Variants in CHRM2 observed in about 807,000 individuals in gnomAD.
CHRM2 encodes cholinergic receptor muscarinic 2.
In CHRM2, 8 loss-of-function variants were observed where a neutral mutation model predicts 25.0. The observed-to-expected ratio is 0.32, with a 90% CI of 0.19 to 0.58. The LOEUF is 0.58. CHRM2 is among the 20% of genes least tolerant of loss of function. CHRM2 has a pLI of 0.88. For missense variants in CHRM2, 440 were observed against 567.1 expected (o/e 0.78, Z 2.28); for synonymous variants, 202 against 205.7 (o/e 0.98, Z 0.15).
chr7:136,873,039 TC>T (rs1193044857), intron 2 of CHRM2, among the ~76,000 whole-genome samples: 1 of 152,224 alleles, frequency 6.6e-6, no homozygotes, highest in Non-Finnish European at 1.5e-5. Flanking sequence ...GAATTGGTTT[TC>T]TTTATTTAAA....
intron 3 of CHRM2, among the ~76,000 whole-genome samples, chr7:137,013,572 A>C (rs1477032635): frequency 6.6e-6 from 1 of 152,006 alleles, no homozygotes; most frequent in Non-Finnish European, 1.5e-5. Flanking sequence ...CTGTTTCTCC[A>C]GAAATGTGTC....
chr7:136,873,092 C>G (rs576969782), intron 2 of CHRM2, among the ~76,000 whole-genome samples: 2 of 152,126 alleles, frequency 1.3e-5, no homozygotes, highest in African/African-American at 4.8e-5. Context: ...ATGGACTCTC[C>G]GTGGCATAGT....
At chr7:136,980,636 A>C (rs888675485) in intron 2 of CHRM2, among the ~76,000 whole-genome samples, 4 of 152,094 alleles carry the variant, frequency 2.6e-5, no homozygotes, top group Non-Finnish European at 5.9e-5. Context: ...CTAGTTTATG[A>C]GTATTTTTAG....
At position 136,935,805 on chromosome 7, in the gene CHRM2, G is replaced by A. The variant is rs533548638; in HGVS notation, c.-124-56382G>A. ...GAGAGACTTGTCTAGGTTAGAACAGGGAACAACTCATTTCCTTTTCACCTA... is the reference window on the plus strand; with the variant it reads ...GAGAGACTTGTCTAGGTTAGAACAGAGAACAACTCATTTCCTTTTCACCTA... On this transcript the variant is annotated intron_variant, in intron 2 of 3. Transcript: ENST00000680005. Among the ~76,000 whole-genome samples the A allele has an allele frequency of 5.3e-5, 8 of 152,158 alleles. No individual in the cohort carries two copies. The East Asian group carries it at 5.8e-4, about 11-fold the overall frequency.
chr7:136,909,991 C>T (rs914149462), intron 2 of CHRM2, among the ~76,000 whole-genome samples: 8 of 151,860 alleles, frequency 5.3e-5, no homozygotes, highest in African/African-American at 1.9e-4. Flanking sequence ...TACACCCCCC[C>T]CAACACACAC....
chr7:136,938,288 T>C, intron 2 of CHRM2: 1 of 1,048,410 alleles, frequency 9.5e-7, no homozygotes, highest in Non-Finnish European at 1.5e-6. Context: ...AGCTGCCGCC[T>C]AAGGTTGTTG....
intron 2 of CHRM2, among the ~76,000 whole-genome samples, chr7:136,990,014 T>A (rs1380332436): frequency 6.6e-6 from 1 of 152,142 alleles, no homozygotes; most frequent in East Asian, 1.9e-4. Context: ...CTGGCCTTGT[T>A]ACATTTACTC....
At chr7:136,941,867 G>T (rs1479492558) in intron 2 of CHRM2, among the ~76,000 whole-genome samples, 1 of 152,162 alleles carries the variant, frequency 6.6e-6, no homozygotes, top group African/African-American at 2.4e-5. Flanking sequence ...CAATTGTAGG[G>T]TCTGGAGTTA....
At chr7:136,925,548 T>C (rs1798697084) in intron 2 of CHRM2, among the ~76,000 whole-genome samples, 1 of 152,086 alleles carries the variant, frequency 6.6e-6, no homozygotes. Flanking sequence ...AGCTTTTTTT[T>C]TTCTAAATGG....
intron 2 of CHRM2, among the ~76,000 whole-genome samples, chr7:136,961,945 C>T (rs910362432): frequency 4.6e-5 from 7 of 152,008 alleles, no homozygotes; most frequent in African/African-American, 1.7e-4. Flanking sequence ...ACATGACAAT[C>T]AGTGCAGGTT....
At chr7:136,950,036 A>T (rs1044220337) in intron 2 of CHRM2, among the ~76,000 whole-genome samples, 1 of 152,066 alleles carries the variant, frequency 6.6e-6, no homozygotes, top group Admixed American at 6.5e-5. Flanking sequence ...TTTTGTTGTT[A>T]TTGCCTCTCT....
chr7:136,915,795 C>A (rs1028677775), intron 2 of CHRM2, among the ~76,000 whole-genome samples: 2 of 150,570 alleles, frequency 1.3e-5, no homozygotes, highest in African/African-American at 2.4e-5. Context: ...TGACTCCAAA[C>A]AATAAAAAAT....
intron 2 of CHRM2, chr7:136,914,279 C>T (rs1342972071): frequency 6.6e-6 from 1 of 151,922 alleles, no homozygotes; most frequent in Non-Finnish European, 1.5e-5. Context: ...GTTCATAAAA[C>T]AGCATCTAAA....
chr7:136,998,836 C>T (rs1231986888), intron 3 of CHRM2, among the ~76,000 whole-genome samples: 1 of 151,854 alleles, frequency 6.6e-6, no homozygotes, highest in Non-Finnish European at 1.5e-5. Context: ...AAATAAGAAC[C>T]CCTCTCAGAT....
chr7:136,983,827 C>T (rs1802654012), intron 2 of CHRM2, among the ~76,000 whole-genome samples: 1 of 152,104 alleles, frequency 6.6e-6, no homozygotes, highest in Admixed American at 6.5e-5. Context: ...CAGAGGAGCT[C>T]CTGCCAGATG....
chr7:136,894,995 C>T (rs1302996546), intron 2 of CHRM2, among the ~76,000 whole-genome samples: 2 of 152,142 alleles, frequency 1.3e-5, no homozygotes, highest in Non-Finnish European at 2.9e-5. Context: ...CAGCATTCTA[C>T]AACTCTACAG....
At position 137,019,887 on chromosome 7, in the gene CHRM2, T is replaced by C. The variant is rs1805346082; in HGVS notation, c.*3621T>C. 1.3e-5 allele frequency: 2 copies of C among 151,914 alleles called. No individual in the cohort carries two copies. Among genetic ancestry groups the C allele is most frequent in the Admixed American group, 1.3e-4 (2 of 15,210 alleles). 9.4% of individuals were successfully genotyped at this position (151,914 alleles called of 1,614,324 possible). On this transcript the variant is annotated 3_prime_UTR_variant, in exon 4 of 4. Coordinates refer to ENST00000680005, the MANE Select transcript of CHRM2 (RefSeq NM_001006630.2). ...TGGGAATTCAAAATGATGGCAACAA[T>C]TACTCAGCAATGCAGTCTGTTTTTA...
intron 3 of CHRM2, among the ~76,000 whole-genome samples, chr7:136,998,677 G>C (rs1442904691): frequency 1.3e-5 from 2 of 152,148 alleles, no homozygotes; most frequent in Non-Finnish European, 2.9e-5. Flanking sequence ...CATGAGTTTA[G>C]ATCAACATTT....
chr7:136,898,142 C>A (rs1302607879), intron 2 of CHRM2, among the ~76,000 whole-genome samples: 3 of 152,142 alleles, frequency 2.0e-5, no homozygotes, highest in African/African-American at 4.8e-5. Flanking sequence ...GGTTCGTTTA[C>A]AATTAGCATT....
Sources: allele counts gnomAD v4.1 joint callset (sites outside exome capture counted in the v4.1 genomes callset), GRCh38; gene constraint gnomAD v4.1.1; transcripts MANE v1.5; gene names NCBI Gene and HGNC (gene_info 2026-07-23, HGNC 2026-07-21).